The following CLSTN2 variants were observed in gnomAD, a reference collection of about 807,000 sequenced individuals.
CLSTN2 encodes the protein calsyntenin-2.
In CLSTN2, 48 loss-of-function variants were observed where a neutral mutation model predicts 101.2. That is an observed-to-expected ratio of 0.47 (90% CI 0.38 to 0.60). The LOEUF (loss-of-function observed/expected upper bound fraction) is 0.60. CLSTN2 is among the 20% of genes least tolerant of loss of function. The pLI is 0.00. For missense variants in CLSTN2, 1,160 were observed against 1,238.2 expected (o/e 0.94, Z 0.95); for synonymous variants, 481 against 463.6 (o/e 1.04, Z -0.48).
At chr3:139,953,931 T>TTGTGTGTGTGTG (rs145225696) in intron 1 of CLSTN2, among the ~76,000 whole-genome samples, 4,297 of 147,028 alleles carry the variant, frequency 0.029, 82 homozygotes, top group East Asian at 0.088. Context: ...GTGTGTGTGT[T>TTGTGTGTGTGTG]TGTGTGTGTG....
intron 2 of CLSTN2, among the ~76,000 whole-genome samples, chr3:140,334,653 C>T (rs2087423140): frequency 6.6e-6 from 1 of 152,170 alleles, no homozygotes; most frequent in Non-Finnish European, 1.5e-5. Flanking sequence ...GGACATTCCT[C>T]CATGTGAAGC....
At chr3:140,540,866 A>T (rs933323082) in intron 9 of CLSTN2, among the ~76,000 whole-genome samples, 1 of 152,342 alleles carries the variant, frequency 6.6e-6, no homozygotes, top group East Asian at 1.9e-4. Context: ...AATGAAAGGA[A>T]TCTGGGGGAA....
At chr3:140,354,704 C>T (rs7618174) in intron 2 of CLSTN2, among the ~76,000 whole-genome samples, 2,464 of 152,266 alleles carry the variant, frequency 0.016, 53 homozygotes, top group African/African-American at 0.057. Flanking sequence ...CTGAATTAGG[C>T]TTGGTCCATG....
At chr3:140,363,027 C>T (rs2087746293) in intron 2 of CLSTN2, among the ~76,000 whole-genome samples, 1 of 152,010 alleles carries the variant, frequency 6.6e-6, no homozygotes, top group Non-Finnish European at 1.5e-5. Context: ...CAGACTTGTA[C>T]ATGAATATTA....
intron 1 of CLSTN2, among the ~76,000 whole-genome samples, chr3:140,094,543 T>C (rs2008835677): frequency 6.6e-6 from 1 of 152,050 alleles, no homozygotes; most frequent in Admixed American, 6.5e-5. Context: ...TTATTTCAAA[T>C]GGTACAGGAA....
intron 2 of CLSTN2, among the ~76,000 whole-genome samples, chr3:140,381,309 T>G (rs938181019): frequency 3.7e-4 from 57 of 152,198 alleles, no homozygotes; most frequent in African/African-American, 1.4e-3. Flanking sequence ...GACTTCATTT[T>G]AACCTGATTA....
chr3:140,387,036 G>C (rs35628568), intron 2 of CLSTN2, among the ~76,000 whole-genome samples: 20 of 152,062 alleles, frequency 1.3e-4, no homozygotes, highest in Admixed American at 9.2e-4. Flanking sequence ...CCAACTTTAC[G>C]GCCTAGCTTA....
intron 2 of CLSTN2, among the ~76,000 whole-genome samples, chr3:140,251,459 G>T (rs1385649361): frequency 6.6e-6 from 1 of 152,032 alleles, no homozygotes; most frequent in African/African-American, 2.4e-5. Context: ...TGAATCTTTG[G>T]CAGAAAGAGC....
Position 140,562,205 on chromosome 3 carries a change from AG to A in CLSTN2, c.2113del (p.Asp705ThrfsTer38). The A allele has an allele frequency of 6.2e-7, 1 of 1,614,094 alleles. No homozygotes were observed. Among genetic ancestry groups the A allele is most frequent in the Non-Finnish European group, 8.5e-7 (1 of 1,179,964 alleles). On this transcript the variant is annotated frameshift_variant, in exon 13 of 17. Transcript: ENST00000458420. LOFTEE classifies it high-confidence loss of function. Reference protein sequence around the residue: ...LDFCDILVIGGDLDPRQECLE... With the variant: ...LDFCDILVIGXDLDPRQECLE... ...ATTTCTGTGACATTTTGGTGATCGG[AG>A]GGGACTTGGACCCAAGGCAGGAGTG...
intron 2 of CLSTN2, among the ~76,000 whole-genome samples, chr3:140,317,951 A>G (rs144280758): frequency 6.6e-6 from 1 of 152,310 alleles, no homozygotes; most frequent in African/African-American, 2.4e-5. Context: ...CATCATATCA[A>G]TAGTGCCCGC....
At chr3:140,415,985 ATGT>A (rs2088427876) in intron 4 of CLSTN2, among the ~76,000 whole-genome samples, 2 of 152,222 alleles carry the variant, frequency 1.3e-5, no homozygotes, top group South Asian at 4.1e-4. Flanking sequence ...GATAAAAAAT[ATGT>A]GGGAGATACA....
At chr3:140,043,433 C>T (rs957337982) in intron 1 of CLSTN2, among the ~76,000 whole-genome samples, 9 of 152,162 alleles carry the variant, frequency 5.9e-5, no homozygotes, top group Non-Finnish European at 1.3e-4. Context: ...AGCCCTTTGC[C>T]AGATGGGTAG....
At chr3:140,491,832 A>T (rs1490416973) in intron 8 of CLSTN2, among the ~76,000 whole-genome samples, 2 of 152,230 alleles carry the variant, frequency 1.3e-5, no homozygotes, top group African/African-American at 4.8e-5. Context: ...CAAATACTTA[A>T]GTAAAAGTAA....
At chr3:140,152,108 T>C (rs2009876457) in intron 1 of CLSTN2, among the ~76,000 whole-genome samples, 1 of 152,220 alleles carries the variant, frequency 6.6e-6, no homozygotes, top group Non-Finnish European at 1.5e-5. Context: ...TCTGTTAGAT[T>C]AGCTATTAAT....
intron 1 of CLSTN2, among the ~76,000 whole-genome samples, chr3:140,022,504 A>G (rs2007338699): frequency 6.6e-6 from 1 of 152,196 alleles, no homozygotes; most frequent in Non-Finnish European, 1.5e-5. Context: ...AGAGGCCCAG[A>G]CAGCACAAAT....
intron 2 of CLSTN2, among the ~76,000 whole-genome samples, chr3:140,288,293 A>C (rs192092514): frequency 1.5e-3 from 234 of 152,300 alleles, no homozygotes; most frequent in South Asian, 9.3e-3. Flanking sequence ...AGAAGAACAG[A>C]CAGAAGGAAG....
intron 2 of CLSTN2, among the ~76,000 whole-genome samples, chr3:140,323,324 C>T (rs1012541354): frequency 2.0e-5 from 3 of 152,214 alleles, no homozygotes; most frequent in Non-Finnish European, 4.4e-5. Flanking sequence ...TTGGACAGAA[C>T]AGTTAGAAGT....
At chr3:140,405,686 G>A (rs1272255288) in intron 4 of CLSTN2, among the ~76,000 whole-genome samples, 4 of 152,088 alleles carry the variant, frequency 2.6e-5, no homozygotes, top group South Asian at 4.1e-4. Context: ...CCATCACCAC[G>A]AATAGAAAAC....
chr3:140,145,705 A>G lies in CLSTN2; in HGVS notation c.110-30246A>G, dbSNP rs72986163. ...TGGTGGCAAATTGTAACATATTTCCAGCTTTTTCTGCATGCTCTCCTCAGC... is the reference window on the plus strand; with the variant it reads ...TGGTGGCAAATTGTAACATATTTCCGGCTTTTTCTGCATGCTCTCCTCAGC... On this transcript the variant is annotated intron_variant, in intron 1 of 16. Coordinates refer to ENST00000458420, the MANE Select transcript of CLSTN2 (RefSeq NM_022131.3). Among the ~76,000 whole-genome samples the G allele has an allele frequency of 6.9e-3, 1,056 of 152,320 alleles. 4 individuals carry two copies. Among genetic ancestry groups the G allele is most frequent in the African/African-American group, 0.024 (995 of 41,576 alleles).
Sources: gnomAD v4.1 joint callset for allele counts (sites outside exome capture counted in the v4.1 genomes callset) on GRCh38, gnomAD v4.1.1 for gene constraint, MANE v1.5 for transcripts, NCBI Gene and HGNC (gene_info 2026-07-23, HGNC 2026-07-21) for gene names.